RRM1: variants seen among roughly 807,000 people sequenced by gnomAD.
RRM1 encodes ribonucleoside-diphosphate reductase large subunit.
RRM1 carries 19 observed loss-of-function variants against 101.5 expected under a neutral mutation model. The ratio of observed to expected loss-of-function variants is 0.19; its 90% CI spans 0.13 to 0.27. The LOEUF (loss-of-function observed/expected upper bound fraction) is 0.27, where lower values mean the gene tolerates loss of function less well. RRM1 is among the 10% of genes least tolerant of loss of function. The pLI is 1.00. For missense variants in RRM1, 500 were observed against 962.9 expected (o/e 0.52, Z 6.36); for synonymous variants, 298 against 323.4 (o/e 0.92, Z 0.84).
chr11:4,123,673 GAC>G (rs2094585185), intron 12 of RRM1, among the ~76,000 whole-genome samples: 2 of 152,122 alleles, frequency 1.3e-5, no homozygotes, highest in Admixed American at 1.3e-4. Context: ...GTTAGTTTAG[GAC>G]ACACACAAAA....
intron 4 of RRM1, 34 bp downstream of exon 4, chr11:4,107,569 G>A: frequency 2.9e-6 from 4 of 1,402,902 alleles, no homozygotes; most frequent in Non-Finnish European, 3.0e-6. Flanking sequence ...GAAATTTTTT[G>A]AGAGTCTTTT....
intron 3 of RRM1, 42 bp from the exon 4 acceptor site, chr11:4,107,393 A>G (rs2094559749): frequency 1.6e-6 from 2 of 1,286,228 alleles, no homozygotes; most frequent in East Asian, 2.3e-5. Context: ...ATTAGCTGTT[A>G]AGTGGTCTTG....
chr11:4,122,356 G>C, intron 11 of RRM1, 136 bp downstream of exon 11: 1 of 618,598 alleles, frequency 1.6e-6, no homozygotes. Flanking sequence ...ATTTTGGTCA[G>C]ATTTGCTTCC....
intron 1 of RRM1, among the ~76,000 whole-genome samples, chr11:4,101,563 C>CCCCCCG (rs1554973349): frequency 1.7e-5 from 1 of 58,002 alleles, no homozygotes; most frequent in Non-Finnish European, 5.6e-5. Context: ...ATCCACACCC[C>CCCCCCG]CCCCCGCTCC....
chr11:4,127,330 A>G, intron 14 of RRM1, 74 bp downstream of exon 14: 1 of 880,890 alleles, frequency 1.1e-6, no homozygotes, highest in Non-Finnish European at 1.7e-6. Context: ...ACAAAAGGAT[A>G]TGTCCACATC....
At chr11:4,131,392 C>G (rs2133321314) in intron 15 of RRM1, among the ~76,000 whole-genome samples, 1 of 152,264 alleles carries the variant, frequency 6.6e-6, no homozygotes, top group Non-Finnish European at 1.5e-5. Context: ...TCCAGTTGTA[C>G]AGACTCCGTC....
chr11:4,137,839 G>A lies in RRM1; in HGVS notation c.2191-356G>A, dbSNP rs1590738107. 1.3e-4 allele frequency among the ~76,000 whole-genome samples: 3 copies of A among 23,342 alleles called. 1 individual carries two copies. Among genetic ancestry groups the A allele is most frequent in the Admixed American group, 9.3e-4 (3 of 3,220 alleles). 15.3% of individuals were successfully genotyped at this position (23,342 alleles called of 152,430 possible). On this transcript the variant is annotated intron_variant, in intron 18 of 18. Transcript: ENST00000300738. ...TCCCTCCCGGACGGGGCGGCTGGCC[G>A]GGCTGGGGGCTGACTCCCCAACCTC...
chr11:4,122,247 A>G, intron 11 of RRM1, 27 bp downstream of exon 11: 1 of 1,455,166 alleles, frequency 6.9e-7, no homozygotes, highest in East Asian at 2.3e-5. Context: ...AAAGAAAACA[A>G]TAATGTTTTA....
rs372857715 is a variant in RRM1 at position 4,111,655 on chromosome 11, T to A, written c.487+15T>A. 25 of 1,586,814 alleles carry A rather than the reference T, an allele frequency of 1.6e-5. No homozygotes were observed. Among genetic ancestry groups the A allele is most frequent in the Non-Finnish European group, 2.2e-5 (25 of 1,158,932 alleles). On this transcript the variant is annotated intron_variant, in intron 6 of 18. Coordinates refer to ENST00000300738, the MANE Select transcript of RRM1 (RefSeq NM_001033.5). ...CAATGGAAAAGGTGAGAAATGAACA[T>A]GTTTGTCTGTTACATTTTCTACTCA...
intron 5 of RRM1, 96 bp from the exon 6 acceptor site, chr11:4,111,505 C>T (rs1310314940): frequency 4.4e-6 from 3 of 685,476 alleles, no homozygotes; most frequent in Admixed American, 3.1e-5. Flanking sequence ...ATAGAAACGG[C>T]GAAGATTTAA....
At chr11:4,098,276 C>G (rs1254116936) in intron 1 of RRM1, among the ~76,000 whole-genome samples, 1 of 150,622 alleles carries the variant, frequency 6.6e-6, no homozygotes, top group Non-Finnish European at 1.5e-5. Flanking sequence ...ATCCCTGCCT[C>G]CCTCCCTCCC....
intron 2 of RRM1, chr11:4,105,599 G>GGT (rs2094557213): frequency 4.2e-5 from 1 of 23,718 alleles, no homozygotes; most frequent in Admixed American, 4.7e-4. Context: ...TTTTTTTTTT[G>GGT]AGACAGGGTC....
chr11:4,134,616 TG>T (rs2094605967), intron 17 of RRM1, among the ~76,000 whole-genome samples: 1 of 152,222 alleles, frequency 6.6e-6, no homozygotes, highest in Non-Finnish European at 1.5e-5. Context: ...AACCTGATTT[TG>T]GATTCCAAAG....
At chr11:4,114,550 TAA>T (rs776225425) in intron 7 of RRM1, among the ~76,000 whole-genome samples, 57 of 130,538 alleles carry the variant, frequency 4.4e-4, no homozygotes, top group Non-Finnish European at 4.3e-4. Flanking sequence ...AACTCTATCT[TAA>T]AAAAAAAAAA....
intron 15 of RRM1, among the ~76,000 whole-genome samples, chr11:4,130,104 T>TCC (rs1415871903): frequency 2.1e-4 from 19 of 90,606 alleles, no homozygotes; most frequent in Non-Finnish European, 3.7e-4. Context: ...TTTTTTTTTT[T>TCC]CCCCTCAAAA....
intron 11 of RRM1, among the ~76,000 whole-genome samples, 187 bp from the exon 12 acceptor site, chr11:4,122,996 A>G (rs1383738049): frequency 1.3e-5 from 2 of 152,190 alleles, no homozygotes; most frequent in African/African-American, 4.8e-5. Context: ...GAAGGCACCT[A>G]AAACTGCCTC....
chr11:4,102,524 G>T (rs919887893), intron 2 of RRM1, among the ~76,000 whole-genome samples: 4 of 152,172 alleles, frequency 2.6e-5, no homozygotes, highest in Admixed American at 6.5e-5. Flanking sequence ...CGGGCCTGGT[G>T]GTGGGCGCCT....
At chr11:4,116,993 AAAACAGAAAGCC>A (rs969818658) in intron 7 of RRM1, among the ~76,000 whole-genome samples, 1 of 152,152 alleles carries the variant, frequency 6.6e-6, no homozygotes, top group African/African-American at 2.4e-5. Flanking sequence ...AAAGAAAAGA[AAAACAGAAAGCC>A]AAATAGAAAC....
At chr11:4,107,593 C>G in intron 4 of RRM1, 58 bp downstream of exon 4, 1 of 1,069,388 alleles carries the variant, frequency 9.4e-7, no homozygotes, top group South Asian at 1.3e-5. Flanking sequence ...ATAATGCACA[C>G]ATTTTAGAAA....
Sources: gnomAD v4.1 joint callset for allele counts (sites outside exome capture counted in the v4.1 genomes callset) on GRCh38, gnomAD v4.1.1 for gene constraint, MANE v1.5 for transcripts, NCBI Gene and HGNC (gene_info 2026-07-23, HGNC 2026-07-21) for gene names.